NRBP2: variants seen among roughly 807,000 people sequenced by gnomAD.
The protein encoded by NRBP2 is nuclear receptor-binding protein 2.
In NRBP2, 47 loss-of-function variants were observed where a neutral mutation model predicts 74.4. The ratio of observed to expected loss-of-function variants is 0.63; its 90% confidence interval spans 0.50 to 0.81. The LOEUF (loss-of-function observed/expected upper bound fraction) is 0.81. NRBP2 is among the 30% of genes least tolerant of loss of function. NRBP2 has a pLI of 0.00. For synonymous variants in NRBP2, 312 were observed against 273.8 expected (o/e 1.14, Z -1.38); for missense variants, 613 against 690.1 (o/e 0.89, Z 1.25).
chr8:143,833,096 C>T (rs1818218440), downstream of NRBP2, among the ~76,000 whole-genome samples: 1 of 152,170 alleles, frequency 6.6e-6, no homozygotes, highest in Admixed American at 6.5e-5. Flanking sequence ...ATGCTGACCA[C>T]TGGGCTGTAA....
rs370254988 is a variant in NRBP2, at chr8:143,837,512, G to T, written c.974-3C>A. On this transcript the variant is annotated splice_polypyrimidine_tract_variant and splice_region_variant and intron_variant, in intron 11 of 17. Transcript: ENST00000442628. This position sits in a 1 kb window ranked among gnomAD's most constrained non-coding sequence, Gnocchi z 4.3. ...CACCACATTCTCAGGCATGAGGTCT[G>T]CGGCCACAAGAGCATCAAGGCGGTG... The T allele has an allele frequency of 8.7e-6, 14 of 1,607,962 alleles. No homozygotes were observed. Among genetic ancestry groups the T allele is most frequent in the Non-Finnish European group, 1.2e-5 (14 of 1,177,658 alleles).
chr8:143,837,231 C>A lies in NRBP2; in HGVS notation c.1127+18G>T. The stretch of plus-strand genomic sequence containing the variant: ...GGCCTGACAGCTGCCTGGCCCCCAA[C>A]CTTACATCAGTTCTCACCTGACATC... On this transcript the variant is annotated intron_variant, in intron 13 of 17. Transcript: ENST00000442628. The surrounding 1 kb of genome is among the most constrained non-coding windows in gnomAD (Gnocchi z 4.3). 1 of 1,613,922 alleles carries A rather than the reference C, an allele frequency of 6.2e-7. No homozygotes were observed. Among genetic ancestry groups the A allele is most frequent in the South Asian group, 1.1e-5 (1 of 91,086 alleles).
Position 143,837,264 on chromosome 8 carries a change from A to T in NRBP2, c.1112T>A (p.Phe371Tyr). Residue 371 changes from phenylalanine (F) to tyrosine (Y), a missense_variant, in exon 13 of 18, where the codon TTC (phenylalanine) becomes TAC (tyrosine). Transcript: ENST00000442628. This position sits in a 1 kb window ranked among gnomAD's most constrained non-coding sequence, Gnocchi z 4.3. ...CAGTTCTCACCTGACATCCTCCAGG[A>T]ATTTGTCCAGCTCCATGAAGGAGAC... ...SEVSFMELDK[F>Y]LEDVRNGIYP... The T allele has an allele frequency of 1.2e-6, 2 of 1,613,518 alleles. No individual in the cohort carries two copies. Among genetic ancestry groups the T allele is most frequent in the Non-Finnish European group, 1.7e-6 (2 of 1,179,868 alleles).
In NRBP2 at chr8:143,836,891, A is replaced by C. The variant is rs183352177; in HGVS notation, c.1263+148T>G. On this transcript the variant is annotated intron_variant, in intron 14 of 17. Transcript: ENST00000442628. ...CTGTCCTATAACCCCCATGACCCCC[A>C]CAAGGGGGTCAGCCTGGATCTGGTC... The C allele has an allele frequency of 9.4e-4, 841 of 898,138 alleles. 1 individual carries two copies. The African/African-American group carries it at 0.012, about 13-fold the overall frequency. 55.6% of individuals were successfully genotyped at this position (898,138 alleles called of 1,614,324 possible).
downstream of NRBP2, among the ~76,000 whole-genome samples, chr8:143,830,845 G>A (rs1818133127): frequency 1.3e-5 from 2 of 152,252 alleles, no homozygotes; most frequent in Admixed American, 6.5e-5. Context: ...GGGGGCTATA[G>A]AGAAAGAAAC....
Position 143,840,044 on chromosome 8 carries a change from G to A in NRBP2, c.253-14C>T. 6.5e-7 allele frequency: 1 copy of A among 1,536,168 alleles called. No homozygotes were observed. Among genetic ancestry groups the A allele is most frequent in the African/African-American group, 1.4e-5 (1 of 73,168 alleles). ...CTGGATCTTCTCCTGGGGAGGGAGG[G>A]TGGTCGCTGGGTGGTCAGCAGGTGG... On this transcript the variant is annotated splice_polypyrimidine_tract_variant and intron_variant, in intron 2 of 17. Transcript: ENST00000442628. The surrounding 1 kb of genome is among the most constrained non-coding windows in gnomAD (Gnocchi z 5.7).
At chr8:143,836,077 C>CA in intron 15 of NRBP2, 47 bp from the exon 16 acceptor site, 1 of 1,582,372 alleles carries the variant, frequency 6.3e-7, no homozygotes, top group East Asian at 2.3e-5. Flanking sequence ...AGGGCTCCGC[C>CA]ACGCTCCCGC....
chr8:143,837,892 G>T lies in NRBP2; in HGVS notation c.841-137C>A. ...GGACATGCAGGGATGCCCATAGGGA[G>T]GAGTCCCAGCAGCAGCAGCCAGGCC... On this transcript the variant is annotated intron_variant, in intron 10 of 17. Transcript: ENST00000442628. This position sits in a 1 kb window ranked among gnomAD's most constrained non-coding sequence, Gnocchi z 4.3. 1 of 1,105,676 alleles carries T rather than the reference G, an allele frequency of 9.0e-7. No individual in the cohort carries two copies. Among genetic ancestry groups the T allele is most frequent in the Non-Finnish European group, 1.3e-6 (1 of 752,890 alleles). The allele number at this position is 1,105,676 out of a possible 1,614,324, so 68.5% of individuals were successfully genotyped here. A position where few individuals can be genotyped will look rare whatever the true frequency, so the allele number is the denominator to read the frequency against.
intron 8 of NRBP2, 38 bp from the exon 9 acceptor site, chr8:143,838,976 C>T (rs782489978): frequency 3.8e-6 from 6 of 1,573,056 alleles, no homozygotes; most frequent in East Asian, 2.4e-5. Context: ...AGGAGAGAAG[C>T]GCAGGGTAGG....
intron 14 of NRBP2, 31 bp from the exon 15 acceptor site, chr8:143,836,211 C>A (rs574260764): frequency 1.3e-6 from 2 of 1,510,846 alleles, no homozygotes; most frequent in East Asian, 2.4e-5. Flanking sequence ...GACTCACAAA[C>A]CCAGCAGCAA....
At chr8:143,836,973 G>A (rs200753539) in intron 14 of NRBP2, 66 bp downstream of exon 14, 26 of 1,543,146 alleles carry the variant, frequency 1.7e-5, no homozygotes, top group Admixed American at 2.1e-5. Context: ...GAGAAGGAGG[G>A]GCACCTCTTA....
At position 143,840,571 on chromosome 8, in the gene NRBP2, T is replaced by C; in HGVS notation, c.129+135A>G. The C allele has an allele frequency of 1.1e-6, 1 of 923,696 alleles. No homozygotes were observed. The highest frequency in any genetic ancestry group is 1.5e-6 in the Non-Finnish European group (1 of 655,132). The allele number at this position is 923,696 out of a possible 1,614,324, so 57.2% of individuals were successfully genotyped here. A position where few individuals can be genotyped will look rare whatever the true frequency, so the allele number is the denominator to read the frequency against. On this transcript the variant is annotated intron_variant, in intron 1 of 17. Coordinates refer to ENST00000442628, the MANE Select transcript of NRBP2 (RefSeq NM_178564.4). This position sits in a 1 kb window ranked among gnomAD's most constrained non-coding sequence, Gnocchi z 5.7. ...GCCAAAGGGGTCCAGGGGTGGCTGATTCGCGGGCCGCGAGGGGCCGCGGAG... is the reference window on the plus strand; with the variant it reads ...GCCAAAGGGGTCCAGGGGTGGCTGACTCGCGGGCCGCGAGGGGCCGCGGAG...
chr8:143,832,552 A>C (rs1325108138), downstream of NRBP2, among the ~76,000 whole-genome samples: 1 of 152,280 alleles, frequency 6.6e-6, no homozygotes, highest in East Asian at 1.9e-4. Context: ...ATCTACTGAG[A>C]TAGGGAAAAA....
Position 143,837,127 on chromosome 8 carries a change from C to G in NRBP2, c.1175G>C (p.Gly392Ala). 6 of 1,612,604 alleles carry G rather than the reference C, an allele frequency of 3.7e-6. No individual in the cohort carries two copies. Among genetic ancestry groups the G allele is most frequent in the Non-Finnish European group, 5.1e-6 (6 of 1,179,058 alleles). ...LMNFAATRPLGLPRVLAPPPE... is the reference protein window; with the variant it reads ...LMNFAATRPLALPRVLAPPPE... ...GGGTGGGGCCAGCACACGGGGCAGC[C>G]CCAGGGGTCGAGTGGCTGCAAAGTT... Residue 392 changes from glycine (G) to alanine (A), a missense_variant, in exon 14 of 18, where the codon GGG (glycine) becomes GCG (alanine). Gly to Ala is a moderately conservative substitution (Grantham distance 60). Transcript: ENST00000442628. The surrounding 1 kb of genome is among the most constrained non-coding windows in gnomAD (Gnocchi z 4.3).
Position 143,837,910 on chromosome 8 carries a change from GC to G in NRBP2, c.841-156del. Reference sequence around the variant, plus strand: ...ATAGGGAGGAGTCCCAGCAGCAGCAGCCAGGCCAGGACCTGGTCCTCTGAGC... The same window carrying G: ...ATAGGGAGGAGTCCCAGCAGCAGCAGCAGGCCAGGACCTGGTCCTCTGAGC... On this transcript the variant is annotated intron_variant, in intron 10 of 17. Transcript: ENST00000442628. This position sits in a 1 kb window ranked among gnomAD's most constrained non-coding sequence, Gnocchi z 4.3. 1.1e-6 allele frequency: 1 copy of G among 893,644 alleles called. No individual in the cohort carries two copies. Among genetic ancestry groups the G allele is most frequent in the Non-Finnish European group, 1.8e-6 (1 of 559,942 alleles). 55.4% of individuals were successfully genotyped at this position (893,644 alleles called of 1,614,324 possible).
chr8:143,830,412 G>C (rs1427372150), downstream of NRBP2, among the ~76,000 whole-genome samples: 1 of 152,250 alleles, frequency 6.6e-6, no homozygotes, highest in East Asian at 1.9e-4. Context: ...GTGAGCTCCA[G>C]GAGAGGAGCT....
intron 10 of NRBP2, chr8:143,838,157 G>C: frequency 2.4e-6 from 1 of 422,610 alleles, no homozygotes; most frequent in Non-Finnish European, 4.4e-6. Context: ...CACCAGCCCC[G>C]ACCAGGCACC....
rs1818313136 is a variant in NRBP2 at position 143,835,362 on chromosome 8, C to T, written c.*300G>A. The T allele has an allele frequency of 5.9e-6, 3 of 512,712 alleles. No homozygotes were observed. Among genetic ancestry groups the T allele is most frequent in the South Asian group, 2.1e-5 (1 of 47,826 alleles). 31.8% of individuals were successfully genotyped at this position (512,712 alleles called of 1,614,324 possible). On this transcript the variant is annotated 3_prime_UTR_variant, in exon 18 of 18. Coordinates refer to ENST00000442628, the MANE Select transcript of NRBP2 (RefSeq NM_178564.4). The surrounding 1 kb of genome is among the most constrained non-coding windows in gnomAD (Gnocchi z 4.9). ...CTGCATGCTGAGGAGGCAGTGGCCC[C>T]GGCCAGGCAGCCTGGGTAGGAACTC...
downstream of NRBP2, among the ~76,000 whole-genome samples, chr8:143,830,212 C>T (rs782430639): frequency 3.9e-5 from 6 of 152,280 alleles, no homozygotes; most frequent in Non-Finnish European, 5.9e-5. Context: ...TTTATAAAGA[C>T]AAACCCTGCA....
Sources: allele counts gnomAD v4.1 joint callset (sites outside exome capture counted in the v4.1 genomes callset), GRCh38; gene constraint gnomAD v4.1.1; non-coding constraint Gnocchi (gnomAD v3.1); transcripts MANE v1.5; gene names NCBI Gene and HGNC (gene_info 2026-07-23, HGNC 2026-07-21).